The following KANSL1 variants were observed in gnomAD, a reference collection of about 807,000 sequenced individuals.
KANSL1 encodes the protein KAT8 regulatory NSL complex subunit 1.
A neutral mutation model predicts 103.6 loss-of-function variants in KANSL1; 22 were observed. That is an observed-to-expected ratio of 0.21 (90% CI 0.15 to 0.30). KANSL1 has a LOEUF of 0.30. KANSL1 is among the 10% of genes least tolerant of loss of function. The pLI is 1.00. For synonymous variants in KANSL1, 600 were observed against 527.6 expected (o/e 1.14, Z -1.88); for missense variants, 1,337 against 1,399.8 (o/e 0.96, Z 0.72).
At chr17:46,149,004 CTTTT>C (rs77731269) in intron 2 of KANSL1, among the ~76,000 whole-genome samples, 4 of 121,288 alleles carry the variant, frequency 3.3e-5, no homozygotes, top group Non-Finnish European at 4.9e-5. Context: ...CTCTTTTTTT[CTTTT>C]TTTTTTTTTT....
At position 46,064,059 on chromosome 17, in the gene KANSL1, A is replaced by G. The variant is rs932200374; in HGVS notation, c.1848+2478T>C. On this transcript the variant is annotated intron_variant, in intron 6 of 14. Coordinates refer to ENST00000432791, the MANE Select transcript of KANSL1 (RefSeq NM_015443.4). ...AGAGATATACGACTATTAGTAAAAA[A>G]AAAAAAAAAAAACAAAAAAAAACTG... Among the ~76,000 whole-genome samples, 27 of 131,522 alleles carry G rather than the reference A, an allele frequency of 2.1e-4. 2 individuals are homozygous for G. In the Admixed American group the frequency reaches 2.2e-3, roughly 11 times the overall value. 86.3% of individuals were successfully genotyped at this position (131,522 alleles called of 152,430 possible). A position where few individuals can be genotyped will look rare whatever the true frequency, so the allele number is the denominator to read the frequency against.
intron 2 of KANSL1, among the ~76,000 whole-genome samples, chr17:46,120,876 G>A (rs1490070959): frequency 6.6e-6 from 1 of 152,152 alleles, no homozygotes; most frequent in Non-Finnish European, 1.5e-5. Flanking sequence ...TTCAAAGAGA[G>A]AATGTTTCAG....
chr17:46,187,565 G>GA (rs1324379149), intron 1 of KANSL1, among the ~76,000 whole-genome samples: 15 of 151,736 alleles, frequency 9.9e-5, no homozygotes, highest in African/African-American at 1.5e-4. Context: ...TTACAGCCAG[G>GA]AAAAAAAAGG....
chr17:46,185,074 G>C (rs1455891164), intron 1 of KANSL1, among the ~76,000 whole-genome samples: 1 of 152,114 alleles, frequency 6.6e-6, no homozygotes, highest in Admixed American at 6.6e-5. Flanking sequence ...TGATTCGCCA[G>C]CCTCGGCCTC....
chr17:46,172,657 A>G (rs1157603816), intron 1 of KANSL1, among the ~76,000 whole-genome samples: 2 of 152,272 alleles, frequency 1.3e-5, no homozygotes, highest in African/African-American at 4.8e-5. Flanking sequence ...TGTTCACTAA[A>G]AAAAGTATGC....
chr17:46,191,272 G>A (rs910061773), intron 1 of KANSL1, among the ~76,000 whole-genome samples: 1 of 152,168 alleles, frequency 6.6e-6, no homozygotes, highest in South Asian at 2.1e-4. Flanking sequence ...TTAGCATTAG[G>A]CACAAAACAA....
At chr17:46,152,582 A>AGGG (rs35438677) in intron 2 of KANSL1, among the ~76,000 whole-genome samples, 1 of 100,570 alleles carries the variant, frequency 9.9e-6, no homozygotes, top group Non-Finnish European at 2.2e-5. Flanking sequence ...ATAGACACAA[A>AGGG]GGGGGGGGGG....
intron 1 of KANSL1, among the ~76,000 whole-genome samples, chr17:46,190,489 A>G (rs1005575915): frequency 1.2e-4 from 18 of 152,240 alleles, no homozygotes; most frequent in African/African-American, 3.6e-4. Context: ...AAAATACTTC[A>G]CTTCAGTGGA....
At chr17:46,151,597 G>A (rs556565781) in intron 2 of KANSL1, among the ~76,000 whole-genome samples, 13 of 152,328 alleles carry the variant, frequency 8.5e-5, no homozygotes, top group African/African-American at 2.9e-4. Flanking sequence ...CCTGAAAACT[G>A]TAATATCTTA....
At chr17:46,137,691 G>A (rs560436385) in intron 2 of KANSL1, among the ~76,000 whole-genome samples, 2 of 151,804 alleles carry the variant, frequency 1.3e-5, no homozygotes, top group East Asian at 1.9e-4. Flanking sequence ...GTGAAACCCC[G>A]TCTCTACTAA....
intron 2 of KANSL1, among the ~76,000 whole-genome samples, chr17:46,105,687 G>C (rs2042503955): frequency 6.6e-6 from 1 of 151,980 alleles, no homozygotes; most frequent in African/African-American, 2.4e-5. Flanking sequence ...TGGGCAACAG[G>C]TGAAACCCCA....
chr17:46,192,781 G>A (rs2047406784), intron 1 of KANSL1, 42 bp downstream of exon 1: 1 of 158,566 alleles, frequency 6.3e-6, no homozygotes, highest in African/African-American at 2.4e-5. Flanking sequence ...GAAGGAGAAA[G>A]GGCAGCAGGA....
chr17:46,039,867 G>A lies in KANSL1; in HGVS notation c.2038C>T (p.His680Tyr), dbSNP rs1156252116. 3 of 1,614,206 alleles carry A rather than the reference G, an allele frequency of 1.9e-6. No individual in the cohort carries two copies. In the Admixed American group the frequency reaches 5.0e-5, roughly 27 times the overall value. The change falls in exon 8 of 15, where the codon CAT becomes TAT. Residue 680 changes from histidine to tyrosine, a missense_variant. By Grantham distance (83) the His-to-Tyr change is moderately conservative. This residue lies in a region of KANSL1 where 780 missense variants were observed against 923.4 expected (regional missense o/e 0.84). Transcript: ENST00000432791. ...TGAGATTTCAGCATGCTCTGGAAAT[G>A]CAGGCTTGTGGGAACATCTGCAAGA... The part of the protein sequence containing the change: ...AFPDDVPTSL[H>Y]FQSMLKSQWQ...
intron 2 of KANSL1, among the ~76,000 whole-genome samples, chr17:46,127,121 C>T (rs191911098): frequency 6.6e-6 from 1 of 152,296 alleles, no homozygotes. Flanking sequence ...CTTTACAGAA[C>T]ATCACCACTT....
At chr17:46,164,084 C>T (rs553033007) in intron 2 of KANSL1, among the ~76,000 whole-genome samples, 1 of 152,368 alleles carries the variant, frequency 6.6e-6, no homozygotes, top group South Asian at 2.1e-4. Flanking sequence ...CTTTAAACTT[C>T]TTGAGGATAC....
intron 2 of KANSL1, among the ~76,000 whole-genome samples, chr17:46,098,076 T>A: frequency 6.7e-6 from 1 of 149,966 alleles, no homozygotes; most frequent in South Asian, 2.1e-4. Context: ...TCTGCTTCAA[T>A]GTTGGCTGCA....
chr17:46,115,057 T>TTTTA (rs1287248946), intron 2 of KANSL1, among the ~76,000 whole-genome samples: 1 of 152,046 alleles, frequency 6.6e-6, no homozygotes, highest in Admixed American at 6.6e-5. Flanking sequence ...TAAACCCAAG[T>TTTTA]TTTATTTATT....
chr17:46,140,062 TCCATCCCAAC>T (rs1369568500), intron 2 of KANSL1, among the ~76,000 whole-genome samples: 3 of 152,178 alleles, frequency 2.0e-5, no homozygotes, highest in Non-Finnish European at 2.9e-5. Flanking sequence ...CTTCCCTTCC[TCCATCCCAAC>T]CCATCCCATC....
At chr17:46,184,226 T>C (rs1264129621) in intron 1 of KANSL1, among the ~76,000 whole-genome samples, 1 of 152,206 alleles carries the variant, frequency 6.6e-6, no homozygotes, top group Non-Finnish European at 1.5e-5. Context: ...AAAGATGACA[T>C]ACTGACTGAA....
Sources: allele counts gnomAD v4.1 joint callset (sites outside exome capture counted in the v4.1 genomes callset), GRCh38; gene constraint gnomAD v4.1.1; regional missense constraint gnomAD v4.1.1; transcripts MANE v1.5; gene names NCBI Gene and HGNC (gene_info 2026-07-23, HGNC 2026-07-21).